The following CSMD1 variants were observed in gnomAD, a reference collection of about 807,000 sequenced individuals.
The protein encoded by CSMD1 is CUB and sushi domain-containing protein 1.
CSMD1 carries 213 observed loss-of-function variants against 417.5 expected under a neutral mutation model. That is an observed-to-expected ratio of 0.51 (90% confidence interval 0.46 to 0.57). The LOEUF (loss-of-function observed/expected upper bound fraction) is 0.57, where lower values mean the gene tolerates loss of function less well. Ranked by LOEUF, CSMD1 falls within the 20% of genes least tolerant of loss-of-function variation. CSMD1 has a pLI of 0.00. For synonymous variants in CSMD1, 2,862 were observed against 1,736.8 expected, an observed-to-expected ratio of 1.65 and a Z score of -16.11; for missense variants, 6,923 against 4,529.7, an observed-to-expected ratio of 1.53 and a Z score of -15.17.
intron 48 of CSMD1, 89 bp downstream of exon 48, chr8:3,091,427 A>G: frequency 1.1e-6 from 1 of 936,542 alleles, no homozygotes; most frequent in South Asian, 2.1e-5. Flanking sequence ...TTAGGATTAT[A>G]CTATAAATTT....
chr8:3,288,619 T>C (rs1460061392), intron 25 of CSMD1, among the ~76,000 whole-genome samples: 2 of 147,334 alleles, frequency 1.4e-5, no homozygotes, highest in East Asian at 3.9e-4. Context: ...GATGGTAGTT[T>C]GTATTTCTGT....
chr8:3,881,846 G>A (rs911256361), intron 5 of CSMD1, among the ~76,000 whole-genome samples: 1 of 152,000 alleles, frequency 6.6e-6, no homozygotes, highest in Non-Finnish European at 1.5e-5. Context: ...ACTGCTCAGG[G>A]CAAGGGGAAA....
At chr8:3,054,501 C>T (rs1453116145) in intron 49 of CSMD1, among the ~76,000 whole-genome samples, 1 of 152,076 alleles carries the variant, frequency 6.6e-6, no homozygotes, top group Non-Finnish European at 1.5e-5. Context: ...ACCTGTTGTC[C>T]CAGCTACTCA....
chr8:3,580,455 A>G (rs1218542594), intron 9 of CSMD1, among the ~76,000 whole-genome samples: 1 of 152,008 alleles, frequency 6.6e-6, no homozygotes, highest in Non-Finnish European at 1.5e-5. Context: ...GGAGAGAAAC[A>G]CCCCTGGCAA....
At chr8:4,421,265 G>T (rs750492855) in intron 2 of CSMD1, among the ~76,000 whole-genome samples, 2 of 152,180 alleles carry the variant, frequency 1.3e-5, no homozygotes, top group African/African-American at 2.4e-5. Context: ...ACAAAAAACA[G>T]TGAGTTTAAA....
At chr8:4,359,659 G>T (rs35196636) in intron 3 of CSMD1, among the ~76,000 whole-genome samples, 9,785 of 152,208 alleles carry the variant, frequency 0.064, 393 homozygotes, top group African/African-American at 0.11. Flanking sequence ...AAATGTGTGT[G>T]GTTGATTCTG....
At chr8:4,705,595 A>G (rs1004032013) in intron 1 of CSMD1, among the ~76,000 whole-genome samples, 1 of 152,202 alleles carries the variant, frequency 6.6e-6, no homozygotes, top group Admixed American at 6.5e-5. Context: ...CTTATTGAAC[A>G]GATATTTTTG....
At chr8:3,561,086 C>T (rs1447043330) in intron 10 of CSMD1, among the ~76,000 whole-genome samples, 2 of 152,162 alleles carry the variant, frequency 1.3e-5, no homozygotes, top group Admixed American at 6.5e-5. Flanking sequence ...ATTAGAACCA[C>T]AGTGAGATGC....
At position 3,575,313 on chromosome 8, in the gene CSMD1, C is replaced by T. The variant is rs114510228; in HGVS notation, c.1223-247G>A. On this transcript the variant is annotated intron_variant, in intron 9 of 69. Coordinates refer to ENST00000635120, the MANE Select transcript of CSMD1 (RefSeq NM_033225.6). ...TTCATTTTTCCCAAAGGCCTATCCA[C>T]TCACCAAAGGATCTAACAGATGACA... Among the ~76,000 whole-genome samples the T allele has an allele frequency of 7.4e-3, 1,120 of 152,240 alleles. 15 individuals are homozygous for T. Among genetic ancestry groups the T allele is most frequent in the African/African-American group, 0.024 (1,002 of 41,546 alleles).
intron 2 of CSMD1, among the ~76,000 whole-genome samples, chr8:4,514,601 C>T (rs899766366): frequency 1.3e-5 from 2 of 152,176 alleles, no homozygotes; most frequent in African/African-American, 4.8e-5. Context: ...ATCTACATTC[C>T]TGTATCTTGG....
chr8:4,779,635 C>G lies in CSMD1; in HGVS notation c.86-142077G>C, dbSNP rs79032592. Among the ~76,000 whole-genome samples, 1,106 of 152,326 alleles carry G rather than the reference C, an allele frequency of 7.3e-3. 11 individuals are homozygous for G. The highest frequency in any genetic ancestry group is 0.024 in the African/African-American group (1,008 of 41,584). On this transcript the variant is annotated intron_variant, in intron 1 of 69. Coordinates refer to ENST00000635120, the MANE Select transcript of CSMD1 (RefSeq NM_033225.6). ...CGCCTCCAGCACTTCTCAAGCTTCT[C>G]TGGCAAGCTGGCTTTAGCATTTTTA...
intron 5 of CSMD1, among the ~76,000 whole-genome samples, chr8:3,882,269 C>A (rs1421852805): frequency 6.6e-6 from 1 of 151,948 alleles, no homozygotes; most frequent in East Asian, 1.9e-4. Flanking sequence ...AAAAAGACAC[C>A]AAATCATCAA....
intron 7 of CSMD1, among the ~76,000 whole-genome samples, chr8:3,632,269 T>A (rs1011497483): frequency 5.3e-5 from 8 of 152,186 alleles, no homozygotes; most frequent in African/African-American, 1.2e-4. Context: ...GCATCTTAAA[T>A]CAACAGTGTT....
chr8:3,186,733 A>T (rs1427790679), intron 36 of CSMD1, among the ~76,000 whole-genome samples: 1 of 152,244 alleles, frequency 6.6e-6, no homozygotes, highest in East Asian at 1.9e-4. Context: ...AACTGACAGA[A>T]TTCAGACAAA....
chr8:4,330,333 A>C (rs1799798575), intron 3 of CSMD1, among the ~76,000 whole-genome samples: 1 of 152,092 alleles, frequency 6.6e-6, no homozygotes, highest in Admixed American at 6.6e-5. Flanking sequence ...GCTGGCTCAC[A>C]CCTGTAATCC....
intron 1 of CSMD1, among the ~76,000 whole-genome samples, chr8:4,819,696 G>T (rs1041330825): frequency 1.3e-5 from 2 of 152,116 alleles, no homozygotes; most frequent in Non-Finnish European, 2.9e-5. Flanking sequence ...CTGTCCCAGT[G>T]TTTCTACAGA....
At chr8:3,305,233 G>A (rs549770396) in intron 25 of CSMD1, among the ~76,000 whole-genome samples, 7 of 152,204 alleles carry the variant, frequency 4.6e-5, no homozygotes, top group Admixed American at 2.6e-4. Context: ...TGAGGAATAT[G>A]AAATATTAAA....
At chr8:3,211,227 T>C (rs546192111) in intron 30 of CSMD1, among the ~76,000 whole-genome samples, 1 of 152,192 alleles carries the variant, frequency 6.6e-6, no homozygotes, top group Admixed American at 6.5e-5. Flanking sequence ...ATTTTTTTTG[T>C]AGAGGTGGGG....
intron 7 of CSMD1, among the ~76,000 whole-genome samples, chr8:3,658,865 A>G (rs1052553283): frequency 6.6e-5 from 10 of 152,220 alleles, no homozygotes; most frequent in Admixed American, 6.5e-4. Flanking sequence ...TCCTAATTCC[A>G]GGGGATGTTT....
Sources: allele counts gnomAD v4.1 joint callset (sites outside exome capture counted in the v4.1 genomes callset), GRCh38; gene constraint gnomAD v4.1.1; transcripts MANE v1.5; gene names NCBI Gene and HGNC (gene_info 2026-07-23, HGNC 2026-07-21).